Variants in INTS6 observed in about 807,000 individuals in gnomAD.
The protein encoded by INTS6 is DEAD box protein.
A neutral mutation model predicts 104.9 loss-of-function variants in INTS6; 16 were observed. The observed-to-expected ratio is 0.15, with a 90% confidence interval of 0.10 to 0.23. The LOEUF is 0.23. Among genes scored for constraint, INTS6 ranks in the 10% least tolerant of loss-of-function variants. The pLI is 1.00. For missense variants in INTS6, 584 were observed against 1,062.8 expected, an observed-to-expected ratio of 0.55 and a Z score of 6.26; for synonymous variants, 324 against 358.7, an observed-to-expected ratio of 0.90 and a Z score of 1.09.
downstream of INTS6, among the ~76,000 whole-genome samples, chr13:51,359,383 G>A (rs917313391): frequency 7.9e-5 from 12 of 152,092 alleles, no homozygotes; most frequent in Non-Finnish European, 1.8e-4. Flanking sequence ...ACTCTTACCA[G>A]AGATAAAATT....
chr13:51,452,577 T>TA lies in INTS6; in HGVS notation c.-53dup. The TA allele has an allele frequency of 6.3e-7, 1 of 1,587,584 alleles. No homozygotes were observed. Among genetic ancestry groups the TA allele is most frequent in the South Asian group, 1.1e-5 (1 of 90,284 alleles). ...GAGGTGGTGGAGAAAGAGGAGATGG[T>TA]AGAGGTGGAGGCGCCGGTGGCGGCG... On this transcript the variant is annotated 5_prime_UTR_variant, in exon 1 of 18. Transcript: ENST00000311234. The surrounding 1 kb of genome is among the most constrained non-coding windows in gnomAD (Gnocchi z 4.2).
intron 3 of INTS6, chr13:51,444,252 ATTTTTTTTTTTTTTTTTTTTTTTT>A: frequency 1.8e-5 from 1 of 54,412 alleles, no homozygotes; most frequent in African/African-American, 9.4e-5. Context: ...CCCCCAGCTA[ATTTTTTTTTTTTTTTTTTTTTTTT>A]TTTTTTTTAG....
downstream of INTS6, among the ~76,000 whole-genome samples, chr13:51,358,067 T>C (rs1955508283): frequency 6.6e-6 from 1 of 151,940 alleles, no homozygotes; most frequent in Non-Finnish European, 1.5e-5. Flanking sequence ...AGGAGACAAA[T>C]GGAGAAAGCA....
chr13:51,347,679 G>A, the INTS6 span, among the ~76,000 whole-genome samples: 2 of 152,136 alleles, frequency 1.3e-5, no homozygotes, highest in African/African-American at 4.8e-5. Flanking sequence ...TAATTCTCAA[G>A]TTTTAAACTG....
intron 4 of INTS6, among the ~76,000 whole-genome samples, chr13:51,410,358 G>A (rs1050506028): frequency 1.3e-5 from 2 of 152,194 alleles, no homozygotes; most frequent in African/African-American, 4.8e-5. Context: ...ACACCATGTT[G>A]TATTGCCGAA....
chr13:51,397,113 C>A (rs140998142), intron 4 of INTS6, among the ~76,000 whole-genome samples: 1 of 152,220 alleles, frequency 6.6e-6, no homozygotes, highest in African/African-American at 2.4e-5. Flanking sequence ...ATACTAATTT[C>A]TTCACAAAGC....
At chr13:51,383,541 G>A (rs898446246) in intron 8 of INTS6, 48 bp downstream of exon 8, 4 of 1,603,882 alleles carry the variant, frequency 2.5e-6, no homozygotes, top group South Asian at 1.1e-5. Context: ...AGCTTTTTAA[G>A]AAATGCCTCA....
intron 7 of INTS6, chr13:51,384,532 A>G (rs1593687179): frequency 2.3e-6 from 1 of 429,990 alleles, no homozygotes; most frequent in Admixed American, 2.5e-5. Flanking sequence ...GATGGCTCCT[A>G]TTTCTCTGCT....
chr13:51,451,853 A>T (rs1179804134), intron 2 of INTS6, 125 bp downstream of exon 2: 1 of 550,442 alleles, frequency 1.8e-6, no homozygotes, highest in Non-Finnish European at 3.1e-6. Flanking sequence ...AAGAGACCTC[A>T]GCGGCTGGGA....
At chr13:51,366,011 AATT>A (rs1955680071) in intron 17 of INTS6, among the ~76,000 whole-genome samples, 166 bp from the exon 18 acceptor site, 1 of 151,986 alleles carries the variant, frequency 6.6e-6, no homozygotes, top group Non-Finnish European at 1.5e-5. Context: ...AAGATTAGCA[AATT>A]ATTATCCTAG....
At chr13:51,448,856 G>A (rs888509933) in intron 3 of INTS6, 3 of 152,060 alleles carry the variant, frequency 2.0e-5, no homozygotes, top group African/African-American at 7.2e-5. Flanking sequence ...GCAGGAAAGG[G>A]GAAATACTTA....
chr13:51,367,299 C>T (rs982554098), intron 17 of INTS6, among the ~76,000 whole-genome samples: 2 of 151,932 alleles, frequency 1.3e-5, no homozygotes, highest in African/African-American at 4.8e-5. Context: ...TACTTTCAAT[C>T]TGTGGTTGCT....
Position 51,365,735 on chromosome 13 carries a change from CCA to C in INTS6, c.*15_*16del, listed in dbSNP as rs1204717019. 2 of 1,357,868 alleles carry C rather than the reference CCA, an allele frequency of 1.5e-6. No individual in the cohort carries two copies. The highest frequency in any genetic ancestry group is 2.9e-5 in the African/African-American group (2 of 68,724). The allele number at this position is 1,357,868 out of a possible 1,614,324, so 84.1% of individuals were successfully genotyped here. On this transcript the variant is annotated 3_prime_UTR_variant, in exon 18 of 18. Transcript: ENST00000311234. The stretch of plus-strand genomic sequence containing the variant: ...TTGAAGAAGATAGTGAAATAAGTGG[CCA>C]CATTCTATTTTCTTTTAATTGCTAT...
chr13:51,405,822 G>A (rs1362224303), intron 4 of INTS6, among the ~76,000 whole-genome samples: 6 of 152,070 alleles, frequency 3.9e-5, no homozygotes, highest in African/African-American at 1.4e-4. Context: ...TCCAGTCCTG[G>A]ATAAGCCTGG....
At chr13:51,406,999 C>T (rs1369984698) in intron 4 of INTS6, among the ~76,000 whole-genome samples, 1 of 151,756 alleles carries the variant, frequency 6.6e-6, no homozygotes, top group African/African-American at 2.4e-5. Context: ...CCCTGGGAAG[C>T]CAAAAGATTG....
Position 51,452,325 on chromosome 13 carries a change from C to A in INTS6, c.111+90G>T. ...GCCCGGCAGCTCCCGCAGTCAGGTC[C>A]CCGACACCCCCGCCCCGGCCGCCCT... On this transcript the variant is annotated intron_variant, in intron 1 of 17. Coordinates refer to ENST00000311234, the MANE Select transcript of INTS6 (RefSeq NM_012141.3). This position sits in a 1 kb window ranked among gnomAD's most constrained non-coding sequence, Gnocchi z 4.2. 1.6e-6 allele frequency: 2 copies of A among 1,222,114 alleles called. 1 individual carries two copies. Among genetic ancestry groups the A allele is most frequent in the East Asian group, 7.7e-5 (2 of 26,142 alleles). 75.7% of individuals were successfully genotyped at this position (1,222,114 alleles called of 1,614,324 possible). A position where few individuals can be genotyped will look rare whatever the true frequency, so the allele number is the denominator to read the frequency against.
chr13:51,375,734 G>GGTGTGTGTGTGTGTGT (rs71684515), intron 13 of INTS6, among the ~76,000 whole-genome samples: 13 of 147,684 alleles, frequency 8.8e-5, no homozygotes, highest in African/African-American at 3.2e-4. Flanking sequence ...TTGATAAGTG[G>GGTGTGTGTGTGTGTGT]GTGTGTGTGT....
Position 51,452,164 on chromosome 13 carries a change from C to T in INTS6, c.112-109G>A. 2 of 1,033,732 alleles carry T rather than the reference C, an allele frequency of 1.9e-6. No individual in the cohort carries two copies. The highest frequency in any genetic ancestry group is 1.6e-5 in the African/African-American group (1 of 63,466). 64.0% of individuals were successfully genotyped at this position (1,033,732 alleles called of 1,614,324 possible). A position where few individuals can be genotyped will look rare whatever the true frequency, so the allele number is the denominator to read the frequency against. On this transcript the variant is annotated intron_variant, in intron 1 of 17. Transcript: ENST00000311234. The surrounding 1 kb of genome is among the most constrained non-coding windows in gnomAD (Gnocchi z 4.2). ...CCCGCCGCCCCCACAGTACCGCACA[C>T]GCAGCGGCCACCCCTCCACGCCGTC... is the stretch of plus-strand genomic sequence containing the variant.
chr13:51,353,428 C>T (rs1329197077), downstream of INTS6, among the ~76,000 whole-genome samples: 1 of 152,170 alleles, frequency 6.6e-6, no homozygotes. Context: ...CAATTATGGT[C>T]ATTTCACAAG....
Sources: allele counts gnomAD v4.1 joint callset (sites outside exome capture counted in the v4.1 genomes callset), GRCh38; gene constraint gnomAD v4.1.1; non-coding constraint Gnocchi (gnomAD v3.1); transcripts MANE v1.5; gene names NCBI Gene and HGNC (gene_info 2026-07-23, HGNC 2026-07-21).